Variants in NAV2 observed in about 807,000 individuals in gnomAD.
NAV2 encodes helicase, APC down-regulated 1.
NAV2 carries 54 observed loss-of-function variants against 223.2 expected under a neutral mutation model. That is an observed-to-expected ratio of 0.24 (90% CI 0.19 to 0.30). The LOEUF is 0.30. Among genes scored for constraint, NAV2 ranks in the 10% least tolerant of loss-of-function variants. The probability of loss-of-function intolerance (pLI) is 1.00; values close to 1 mark genes in which losing one functional copy is unlikely to be tolerated. For missense variants in NAV2, 2,806 were observed against 3,147.5 expected, an observed-to-expected ratio of 0.89 and a Z score of 2.60; for synonymous variants, 1,279 against 1,239.3, an observed-to-expected ratio of 1.03 and a Z score of -0.67.
chr11:20,004,404 C>A (rs1169820951), intron 11 of NAV2, among the ~76,000 whole-genome samples: 1 of 152,138 alleles, frequency 6.6e-6, no homozygotes, highest in African/African-American at 2.4e-5. Flanking sequence ...CTCTCCTCTC[C>A]CCACTGCCGT....
intron 1 of NAV2, among the ~76,000 whole-genome samples, chr11:19,641,562 G>A (rs1363754127): frequency 6.6e-6 from 1 of 151,868 alleles, no homozygotes; most frequent in Non-Finnish European, 1.5e-5. Flanking sequence ...GAGTCTGACT[G>A]TACAATCTCC....
At chr11:19,959,719 A>T (rs1749030466) in intron 10 of NAV2, among the ~76,000 whole-genome samples, 1 of 152,202 alleles carries the variant, frequency 6.6e-6, no homozygotes, top group African/African-American at 2.4e-5. Context: ...CCCAAAGGGT[A>T]AGAAGCTAGT....
intron 6 of NAV2, among the ~76,000 whole-genome samples, chr11:19,898,560 T>C (rs1324122498): frequency 6.6e-6 from 1 of 152,238 alleles, no homozygotes; most frequent in Non-Finnish European, 1.5e-5. Context: ...TATTCCATTG[T>C]ATGGATTTAC....
intron 1 of NAV2, among the ~76,000 whole-genome samples, chr11:19,657,359 T>C (rs925375352): frequency 6.6e-6 from 1 of 152,182 alleles, no homozygotes; most frequent in African/African-American, 2.4e-5. Context: ...GAACTTATTT[T>C]ATACATTTAA....
At chr11:19,795,283 A>T (rs1213513987) in intron 1 of NAV2, among the ~76,000 whole-genome samples, 1 of 152,218 alleles carries the variant, frequency 6.6e-6, no homozygotes, top group Non-Finnish European at 1.5e-5. Context: ...ATTCCCCAGA[A>T]CATTTATTTG....
At chr11:19,552,367 C>G (rs968089068) in intron 1 of NAV2, among the ~76,000 whole-genome samples, 4 of 152,144 alleles carry the variant, frequency 2.6e-5, no homozygotes, top group Non-Finnish European at 5.9e-5. Context: ...CCCACTCTGC[C>G]TCTCTACACT....
intron 1 of NAV2, among the ~76,000 whole-genome samples, chr11:19,566,387 C>T (rs912966794): frequency 6.6e-6 from 1 of 152,172 alleles, no homozygotes; most frequent in Non-Finnish European, 1.5e-5. Context: ...CCAAGGTGGT[C>T]ATTTTAATGT....
chr11:19,932,339 G>T (rs2045450609), intron 6 of NAV2, among the ~76,000 whole-genome samples: 1 of 149,306 alleles, frequency 6.7e-6, no homozygotes, highest in African/African-American at 2.5e-5. Flanking sequence ...TTTTTGGTTT[G>T]TTTGGTTTTT....
intron 11 of NAV2, chr11:20,027,230 C>T: frequency 1.0e-6 from 1 of 979,960 alleles, no homozygotes. Context: ...CCTTTCTCTT[C>T]CCCAGGGGTT....
In NAV2 at chr11:19,872,739, A is replaced by G. The variant is rs1006972486; in HGVS notation, c.511+3742A>G. On this transcript the variant is annotated intron_variant, in intron 4 of 37. Coordinates refer to ENST00000349880, the MANE Select transcript of NAV2 (RefSeq NM_145117.5). ...GCCCCGACCCGCCTGCTGGAGAGCC[A>G]CAGGGAGCCTTTGTTCTAGGGCACA... Among the ~76,000 whole-genome samples, 2 of 152,222 alleles carry G rather than the reference A, an allele frequency of 1.3e-5. 1 individual carries two copies. The highest frequency in any genetic ancestry group is 4.8e-5 in the African/African-American group (2 of 41,468).
intron 1 of NAV2, among the ~76,000 whole-genome samples, chr11:19,747,027 T>C (rs1376962921): frequency 8.1e-6 from 1 of 122,882 alleles, no homozygotes; most frequent in African/African-American, 3.0e-5. Flanking sequence ...TATCTCCTAA[T>C]ATCTATCCCT....
chr11:20,073,875 A>C (rs2153649434), intron 22 of NAV2, among the ~76,000 whole-genome samples: 1 of 152,288 alleles, frequency 6.6e-6, no homozygotes, highest in South Asian at 2.1e-4. Context: ...GATCTTTTCA[A>C]AAAACGACCT....
intron 1 of NAV2, among the ~76,000 whole-genome samples, chr11:19,423,095 A>G (rs1850684443): frequency 6.6e-6 from 1 of 152,256 alleles, no homozygotes; most frequent in African/African-American, 2.4e-5. Flanking sequence ...TCAGTGCCTG[A>G]CACACAGTAA....
At chr11:19,557,967 G>T (rs1161464633) in intron 1 of NAV2, among the ~76,000 whole-genome samples, 2 of 152,214 alleles carry the variant, frequency 1.3e-5, no homozygotes, top group Non-Finnish European at 2.9e-5. Context: ...CTTGTGGGAT[G>T]AACGTTGGGG....
intron 1 of NAV2, among the ~76,000 whole-genome samples, chr11:19,720,821 G>C (rs2050693064): frequency 6.6e-6 from 1 of 152,174 alleles, no homozygotes. Context: ...TAGCAACTTT[G>C]GTTCTAATTC....
At chr11:19,412,251 C>A (rs952477156) in intron 1 of NAV2, among the ~76,000 whole-genome samples, 2 of 152,260 alleles carry the variant, frequency 1.3e-5, no homozygotes, top group Admixed American at 1.3e-4. Flanking sequence ...GGGGCATCTG[C>A]CATTACTGAG....
intron 1 of NAV2, chr11:19,777,416 T>TC (rs1362680300): frequency 9.0e-6 from 4 of 443,146 alleles, no homozygotes; most frequent in Admixed American, 7.5e-5. Flanking sequence ...TTTTTTTTTT[T>TC]TTCCCCTCCT....
At chr11:20,020,102 G>A (rs764936971) in intron 11 of NAV2, among the ~76,000 whole-genome samples, 2 of 152,250 alleles carry the variant, frequency 1.3e-5, no homozygotes, top group Admixed American at 1.3e-4. Flanking sequence ...GAAAAGGAAC[G>A]AAGTGTCTTC....
chr11:19,672,827 C>A (rs1375154704), intron 1 of NAV2, among the ~76,000 whole-genome samples: 1 of 152,154 alleles, frequency 6.6e-6, no homozygotes, highest in Non-Finnish European at 1.5e-5. Flanking sequence ...CAGCTACTAG[C>A]TAGCAGCTTA....
Sources: gnomAD v4.1 joint callset for allele counts (sites outside exome capture counted in the v4.1 genomes callset) on GRCh38, gnomAD v4.1.1 for gene constraint, MANE v1.5 for transcripts, NCBI Gene and HGNC (gene_info 2026-07-23, HGNC 2026-07-21) for gene names.